C12orf42: variants seen among roughly 807,000 people sequenced by gnomAD.
The protein encoded by C12orf42 is chromosome 12 open reading frame 42.
A neutral mutation model predicts 21.6 loss-of-function variants in C12orf42; 25 were observed. The ratio of observed to expected loss-of-function variants is 1.16; its 90% CI spans 0.84 to 1.62. The LOEUF (loss-of-function observed/expected upper bound fraction) is 1.62. C12orf42 is among the 40% of genes most tolerant of loss of function. The pLI is 0.00. For synonymous variants in C12orf42, 174 were observed against 175.0 expected, an observed-to-expected ratio of 0.99 and a Z score of 0.05; for missense variants, 483 against 459.3, an observed-to-expected ratio of 1.05 and a Z score of -0.47.
chr12:103,429,128 G>C (rs918589492), intron 2 of C12orf42, among the ~76,000 whole-genome samples: 3 of 152,144 alleles, frequency 2.0e-5, no homozygotes, highest in African/African-American at 7.2e-5. Context: ...AGGCAATCAG[G>C]CAAGAGAAAA....
At chr12:103,259,808 C>T (rs937843617) in intron 10 of C12orf42, among the ~76,000 whole-genome samples, 10 of 152,204 alleles carry the variant, frequency 6.6e-5, no homozygotes, top group African/African-American at 2.2e-4. Flanking sequence ...TCTCATGCTC[C>T]GGACACTGTA....
chr12:103,470,134 T>C (rs1340727342), intron 2 of C12orf42, among the ~76,000 whole-genome samples: 1 of 152,184 alleles, frequency 6.6e-6, no homozygotes, highest in Non-Finnish European at 1.5e-5. Context: ...TTTAGTAAGA[T>C]AGAACCTGCT....
At chr12:103,265,539 C>T (rs186471690), downstream of C12orf42, among the ~76,000 whole-genome samples, 84 of 152,210 alleles carry the variant, frequency 5.5e-4, no homozygotes, top group African/African-American at 1.9e-3. Context: ...ATCAGTTTCA[C>T]GTTCAGCTTT....
At chr12:103,431,352 A>G (rs1457271090) in intron 2 of C12orf42, 7 of 152,360 alleles carry the variant, frequency 4.6e-5, no homozygotes, top group Admixed American at 1.3e-4. Flanking sequence ...TCTAGAGTCT[A>G]TATTATTTCC....
chr12:103,514,244 C>T, the C12orf42 span, among the ~76,000 whole-genome samples: 1 of 152,176 alleles, frequency 6.6e-6, no homozygotes, highest in African/African-American at 2.4e-5. Flanking sequence ...TCTACCTGGT[C>T]CTTCCCACAA....
At chr12:103,146,588 G>GAA in the C12orf42 span, among the ~76,000 whole-genome samples, 7 of 148,354 alleles carry the variant, frequency 4.7e-5, no homozygotes, top group African/African-American at 1.3e-4. Flanking sequence ...AAGAAAGAAA[G>GAA]AAAGAAAGAA....
the C12orf42 span, among the ~76,000 whole-genome samples, chr12:103,179,027 G>C: frequency 6.6e-6 from 1 of 152,190 alleles, no homozygotes; most frequent in Non-Finnish European, 1.5e-5. Flanking sequence ...GAATTATTTA[G>C]AAGTAATTAC....
intron 4 of C12orf42, among the ~76,000 whole-genome samples, chr12:103,314,266 C>A (rs772893113): frequency 3.3e-5 from 5 of 151,864 alleles, no homozygotes; most frequent in Non-Finnish European, 7.4e-5. Flanking sequence ...TGGGATGTTG[C>A]ACAACATGCA....
intron 4 of C12orf42, among the ~76,000 whole-genome samples, chr12:103,367,203 C>T (rs1317199900): frequency 1.3e-5 from 2 of 151,942 alleles, no homozygotes; most frequent in East Asian, 3.9e-4. Context: ...AATGGAAAAC[C>T]AAACGTCGTA....
the C12orf42 span, among the ~76,000 whole-genome samples, chr12:103,096,404 C>T: frequency 6.6e-6 from 1 of 152,038 alleles, no homozygotes. Flanking sequence ...GACCCAAGTA[C>T]TTAATAAACA....
rs1555245881 is a variant in C12orf42, at chr12:103,294,425, A to AGAAAG, written n.338-17216_338-17215insCTTTC. ...AGAAAGAAAGAAAGAGAGAAAGGAG[A>AGAAAG]GAGAGAAAGAAAGAAAGAAAGAAAG... On this transcript the variant is annotated intron_variant and non_coding_transcript_variant, in intron 4 of 6. Coordinates refer to the C12orf42 transcript ENST00000546526. Among the ~76,000 whole-genome samples, 661 of 102,524 alleles carry AGAAAG rather than the reference A, an allele frequency of 6.4e-3. 5 individuals are homozygous for AGAAAG. The highest frequency in any genetic ancestry group is 0.011 in the African/African-American group (256 of 23,166). The allele number at this position is 102,524 out of a possible 152,430, so 67.3% of individuals were successfully genotyped here. A position where few individuals can be genotyped will look rare whatever the true frequency, so the allele number is the denominator to read the frequency against.
the C12orf42 span, among the ~76,000 whole-genome samples, chr12:103,148,631 ATG>A: frequency 2.3e-4 from 28 of 119,610 alleles, no homozygotes; most frequent in Non-Finnish European, 3.4e-4. Context: ...TTTGAGTAAA[ATG>A]TAATATCTTA....
intron 2 of C12orf42, among the ~76,000 whole-genome samples, chr12:103,402,658 T>C (rs2048103077): frequency 6.6e-6 from 1 of 152,138 alleles, no homozygotes; most frequent in Non-Finnish European, 1.5e-5. Flanking sequence ...AAGATTCCAA[T>C]AACACTAAAG....
At chr12:103,154,025 C>T in the C12orf42 span, among the ~76,000 whole-genome samples, 1 of 51,668 alleles carries the variant, frequency 1.9e-5, no homozygotes, top group Non-Finnish European at 3.6e-5. Flanking sequence ...CAAATCTCAG[C>T]AAAAAAAAAA....
At chr12:103,161,382 A>C in the C12orf42 span, 1 of 151,828 alleles carries the variant, frequency 6.6e-6, no homozygotes, top group Admixed American at 6.6e-5. Context: ...AATGCTAAAA[A>C]AAAAACCCAT....
chr12:103,208,708 GTTA>G, the C12orf42 span, among the ~76,000 whole-genome samples: 20 of 152,256 alleles, frequency 1.3e-4, no homozygotes, highest in African/African-American at 4.8e-4. Flanking sequence ...AAGAAAATGT[GTTA>G]TTATTTCCCC....
At chr12:103,543,880 GTTT>G in the C12orf42 span, among the ~76,000 whole-genome samples, 1 of 101,570 alleles carries the variant, frequency 9.8e-6, no homozygotes, top group East Asian at 4.5e-4. Context: ...TGGTTTTTGG[GTTT>G]TTTTTTTGTT....
chr12:103,434,712 C>T (rs1950535653), intron 2 of C12orf42, among the ~76,000 whole-genome samples: 1 of 152,224 alleles, frequency 6.6e-6, no homozygotes, highest in Non-Finnish European at 1.5e-5. Flanking sequence ...AAACACCGCA[C>T]CACGAGATTA....
chr12:103,331,773 T>C (rs1438046925), intron 4 of C12orf42, among the ~76,000 whole-genome samples: 2 of 152,168 alleles, frequency 1.3e-5, no homozygotes, highest in Non-Finnish European at 2.9e-5. Context: ...GGCTGGGCAT[T>C]GGCAAGGTTG....
Sources: gnomAD v4.1 joint callset for allele counts (sites outside exome capture counted in the v4.1 genomes callset) on GRCh38, gnomAD v4.1.1 for gene constraint, MANE v1.5 for transcripts, NCBI Gene and HGNC (gene_info 2026-07-23, HGNC 2026-07-21) for gene names.